The following RAD51B variants were observed in gnomAD, a reference collection of about 807,000 sequenced individuals.
The protein encoded by RAD51B is DNA repair protein RAD51 homolog 2.
A neutral mutation model predicts 42.2 loss-of-function variants in RAD51B; 38 were observed. The observed-to-expected ratio is 0.90, with a 90% CI of 0.70 to 1.18. The LOEUF is 1.18. Ranked by LOEUF, RAD51B falls within the 50% of genes most tolerant of loss-of-function variation. The pLI is 0.00. For synonymous variants in RAD51B, 154 were observed against 145.2 expected (o/e 1.06, Z -0.43); for missense variants, 373 against 400.7 (o/e 0.93, Z 0.59).
chr14:68,034,217 G>C lies in RAD51B; in HGVS notation c.756+147013G>C, dbSNP rs747948510. Among the ~76,000 whole-genome samples, 211 of 151,434 alleles carry C rather than the reference G, an allele frequency of 1.4e-3. 5 individuals carry two copies. Among genetic ancestry groups the C allele is most frequent in the Non-Finnish European group, 3.7e-4 (25 of 67,952 alleles). On this transcript the variant is annotated intron_variant, in intron 7 of 10. Transcript: ENST00000471583. ...ACAGGATTTGTCAGAGTTCTTATCTGACCCAGAATAGATTAGACACGTTTT... is the reference window on the plus strand; with the variant it reads ...ACAGGATTTGTCAGAGTTCTTATCTCACCCAGAATAGATTAGACACGTTTT...
intron 8 of RAD51B, among the ~76,000 whole-genome samples, chr14:68,404,459 C>T (rs1311833557): frequency 1.3e-5 from 2 of 152,148 alleles, no homozygotes; most frequent in Non-Finnish European, 2.9e-5. Flanking sequence ...TCATTTATGC[C>T]AGCCCTCTCA....
chr14:68,417,281 T>G (rs2084585069), intron 9 of RAD51B, among the ~76,000 whole-genome samples: 1 of 152,188 alleles, frequency 6.6e-6, no homozygotes. Flanking sequence ...TATGTGTGTG[T>G]GTGACTAGAT....
intron 7 of RAD51B, among the ~76,000 whole-genome samples, chr14:68,230,986 G>A (rs1231393952): frequency 6.6e-6 from 1 of 152,210 alleles, no homozygotes; most frequent in African/African-American, 2.4e-5. Context: ...TCACTTTTGA[G>A]TTGTGTAGAC....
In RAD51B at chr14:68,435,639, C is replaced by T. The variant is rs1010647108; in HGVS notation, c.957+24112C>T. ...AGTGGCTGAACTATCTACATTCCCA[C>T]CAACAGTGTATGAGCATTTTCTTCT... is the stretch of plus-strand genomic sequence containing the variant. On this transcript the variant is annotated intron_variant, in intron 9 of 10. Transcript: ENST00000471583. Among the ~76,000 whole-genome samples, 11 of 152,100 alleles carry T rather than the reference C, an allele frequency of 7.2e-5. No homozygotes were observed. In the East Asian group the frequency reaches 1.9e-3, roughly 27 times the overall value.
intron 8 of RAD51B, among the ~76,000 whole-genome samples, chr14:68,394,110 G>T (rs978148017): frequency 2.6e-5 from 4 of 152,108 alleles, no homozygotes; most frequent in Non-Finnish European, 5.9e-5. Flanking sequence ...TGTAGGGAGA[G>T]GTCAAGATGT....
At chr14:68,058,586 T>G (rs925400461) in intron 7 of RAD51B, among the ~76,000 whole-genome samples, 3 of 152,188 alleles carry the variant, frequency 2.0e-5, no homozygotes, top group Non-Finnish European at 4.4e-5. Context: ...TTTTTTTACT[T>G]ATAAATCTGA....
At chr14:68,436,385 A>G (rs2085148726) in intron 9 of RAD51B, among the ~76,000 whole-genome samples, 1 of 152,084 alleles carries the variant, frequency 6.6e-6, no homozygotes, top group South Asian at 2.1e-4. Context: ...CTGTATGTCT[A>G]TTTTTGTAGC....
intron 4 of RAD51B, among the ~76,000 whole-genome samples, chr14:67,852,159 G>A (rs768624954): frequency 2.6e-5 from 4 of 152,212 alleles, no homozygotes; most frequent in African/African-American, 7.2e-5. Flanking sequence ...AGCCAGAGCC[G>A]TGACCGACTG....
intron 10 of RAD51B, among the ~76,000 whole-genome samples, chr14:68,496,904 A>AT (rs1884567385): frequency 6.6e-6 from 1 of 152,130 alleles, no homozygotes; most frequent in Non-Finnish European, 1.5e-5. Context: ...CCCTATGGGC[A>AT]TTTTTCTCTT....
intron 7 of RAD51B, among the ~76,000 whole-genome samples, chr14:68,232,375 A>G (rs2080165769): frequency 6.6e-6 from 1 of 152,186 alleles, no homozygotes; most frequent in African/African-American, 2.4e-5. Flanking sequence ...AAGAAAAAAA[A>G]AGAAAAGAAA....
At position 67,995,819 on chromosome 14, in the gene RAD51B, G is replaced by A. The variant is rs148327719; in HGVS notation, c.756+108615G>A. Among the ~76,000 whole-genome samples the A allele has an allele frequency of 8.8e-3, 1,332 of 151,748 alleles. 7 individuals are homozygous for A. The highest frequency in any genetic ancestry group is 0.01 in the African/African-American group (424 of 41,432). Reference sequence around the variant, plus strand: ...TTTTTAGTAGAGACGAGGTTTCACCGTGTTAACCAGGATGGACTCGATCTC... The same window carrying A: ...TTTTTAGTAGAGACGAGGTTTCACCATGTTAACCAGGATGGACTCGATCTC... On this transcript the variant is annotated intron_variant, in intron 7 of 10. Coordinates refer to ENST00000471583, the MANE Select transcript of RAD51B (RefSeq NM_133510.4).
intron 9 of RAD51B, among the ~76,000 whole-genome samples, chr14:68,425,093 T>A (rs941177652): frequency 3.3e-5 from 5 of 152,162 alleles, no homozygotes; most frequent in African/African-American, 1.2e-4. Context: ...TAATCTCAGT[T>A]TGAATTAAAC....
At chr14:67,884,064 T>C (rs2042994538) in intron 5 of RAD51B, among the ~76,000 whole-genome samples, 1 of 152,254 alleles carries the variant, frequency 6.6e-6, no homozygotes, top group South Asian at 2.1e-4. Context: ...ATGTGAGGCA[T>C]GTCGAATATT....
intron 7 of RAD51B, among the ~76,000 whole-genome samples, chr14:68,090,126 A>C (rs2077064806): frequency 6.6e-6 from 1 of 152,196 alleles, no homozygotes; most frequent in Non-Finnish European, 1.5e-5. Context: ...TGTGAACTCT[A>C]CTAAAGTGAG....
intron 7 of RAD51B, among the ~76,000 whole-genome samples, chr14:68,144,026 T>A (rs2078198906): frequency 6.6e-6 from 1 of 152,208 alleles, no homozygotes; most frequent in Non-Finnish European, 1.5e-5. Context: ...TTAGGTTCTT[T>A]GGCCAGGCTG....
At chr14:68,330,087 A>G (rs2082319860) in intron 8 of RAD51B, among the ~76,000 whole-genome samples, 1 of 152,234 alleles carries the variant, frequency 6.6e-6, no homozygotes, top group South Asian at 2.1e-4. Flanking sequence ...GGCTACGTTA[A>G]CAAGAGCCTG....
chr14:68,489,213 A>C (rs967548246), intron 10 of RAD51B, among the ~76,000 whole-genome samples: 1 of 152,134 alleles, frequency 6.6e-6, no homozygotes, highest in Admixed American at 6.6e-5. Context: ...TGTAGTCCGA[A>C]TGCACCCTGG....
At chr14:68,113,866 T>C (rs1374908332) in intron 7 of RAD51B, 1 of 152,064 alleles carries the variant, frequency 6.6e-6, no homozygotes, top group Non-Finnish European at 1.5e-5. Flanking sequence ...CTCTCCTGTA[T>C]GAATTTAGTA....
At chr14:68,490,757 G>A (rs190248948) in intron 10 of RAD51B, among the ~76,000 whole-genome samples, 4 of 152,284 alleles carry the variant, frequency 2.6e-5, no homozygotes, top group African/African-American at 4.8e-5. Flanking sequence ...GAGGGAAAAC[G>A]TTGAGAGGGG....
Sources: gnomAD v4.1 joint callset for allele counts (sites outside exome capture counted in the v4.1 genomes callset) on GRCh38, gnomAD v4.1.1 for gene constraint, MANE v1.5 for transcripts, NCBI Gene and HGNC (gene_info 2026-07-23, HGNC 2026-07-21) for gene names.